The following CACNB4 variants were observed in gnomAD, a reference collection of about 807,000 sequenced individuals.
CACNB4 encodes calcium voltage-gated channel auxiliary subunit beta 4, also known as voltage-dependent L-type calcium channel subunit beta-4.
CACNB4 carries 32 observed loss-of-function variants against 71.2 expected under a neutral mutation model. That is an observed-to-expected ratio of 0.45 (90% CI 0.34 to 0.60). CACNB4 has a LOEUF of 0.60. Ranked by LOEUF, CACNB4 falls within the 20% of genes least tolerant of loss-of-function variation. CACNB4 has a pLI of 0.01. For synonymous variants in CACNB4, 231 were observed against 236.9 expected (o/e 0.97, Z 0.23); for missense variants, 464 against 647.9 (o/e 0.72, Z 3.08).
chr2:151,933,214 C>A (rs2099862061), intron 2 of CACNB4, among the ~76,000 whole-genome samples: 1 of 151,138 alleles, frequency 6.6e-6, no homozygotes, highest in Non-Finnish European at 1.5e-5. Flanking sequence ...TTTGCACCAA[C>A]CTAATAGTAT....
At chr2:152,057,873 G>A (rs1250716246) in intron 2 of CACNB4, among the ~76,000 whole-genome samples, 1 of 152,286 alleles carries the variant, frequency 6.6e-6, no homozygotes, top group Admixed American at 6.5e-5. Context: ...TTACCATGAT[G>A]TTTGATATGG....
At chr2:152,064,020 A>G (rs1427320793) in intron 2 of CACNB4, among the ~76,000 whole-genome samples, 2 of 152,248 alleles carry the variant, frequency 1.3e-5, no homozygotes, top group Admixed American at 1.3e-4. Flanking sequence ...TTCTCAGCAG[A>G]CAATGTAATA....
chr2:151,979,200 G>A (rs2099874301), intron 2 of CACNB4, among the ~76,000 whole-genome samples: 1 of 152,168 alleles, frequency 6.6e-6, no homozygotes, highest in African/African-American at 2.4e-5. Context: ...ACAGCAGAGA[G>A]AAACAAGCGG....
intron 2 of CACNB4, among the ~76,000 whole-genome samples, chr2:152,036,675 G>A (rs1016420731): frequency 6.6e-6 from 1 of 152,178 alleles, no homozygotes; most frequent in African/African-American, 2.4e-5. Context: ...GCAGATTTCA[G>A]TGAGGATGTC....
At chr2:151,994,923 C>A (rs1681954372) in intron 2 of CACNB4, among the ~76,000 whole-genome samples, 1 of 152,134 alleles carries the variant, frequency 6.6e-6, no homozygotes, top group Non-Finnish European at 1.5e-5. Flanking sequence ...TGTGAGCCAC[C>A]ATATCTAGCT....
intron 2 of CACNB4, among the ~76,000 whole-genome samples, chr2:152,037,533 A>G (rs1684659230): frequency 6.6e-6 from 1 of 152,236 alleles, no homozygotes; most frequent in Non-Finnish European, 1.5e-5. Context: ...AAGCCAAAAG[A>G]GAGGCAAGAA....
At chr2:151,883,083 T>C in intron 3 of CACNB4, 168 bp downstream of exon 3, 1 of 632,566 alleles carries the variant, frequency 1.6e-6, no homozygotes, top group South Asian at 1.9e-5. Flanking sequence ...TCTTTGGAGA[T>C]GTTACTAACC....
At chr2:151,857,315 A>T (rs2099840562) in intron 10 of CACNB4, 2 of 152,356 alleles carry the variant, frequency 1.3e-5, no homozygotes, top group Middle Eastern at 3.4e-3. Flanking sequence ...AAGAGTCAAC[A>T]TATCACTTTT....
At chr2:151,868,041 C>T (rs968348312) in intron 9 of CACNB4, 4 of 152,208 alleles carry the variant, frequency 2.6e-5, no homozygotes, top group Non-Finnish European at 5.9e-5. Context: ...TGTTTACTAA[C>T]TTTCTATATT....
chr2:152,084,520 G>T (rs1046013154), intron 2 of CACNB4, among the ~76,000 whole-genome samples: 1 of 152,148 alleles, frequency 6.6e-6, no homozygotes, highest in African/African-American at 2.4e-5. Context: ...AAGGTGTTAA[G>T]GTCCTATGTC....
At chr2:151,990,278 G>C (rs779678158) in intron 2 of CACNB4, among the ~76,000 whole-genome samples, 4 of 152,078 alleles carry the variant, frequency 2.6e-5, no homozygotes, top group African/African-American at 7.2e-5. Flanking sequence ...TGCACTTCTT[G>C]TCCTAGGCTT....
intron 2 of CACNB4, among the ~76,000 whole-genome samples, chr2:152,031,374 C>T (rs1043567915): frequency 1.3e-5 from 2 of 152,180 alleles, no homozygotes; most frequent in African/African-American, 4.8e-5. Context: ...TTATACAATG[C>T]ATGTAGTTCA....
chr2:151,839,435 A>G, intron 13 of CACNB4, 56 bp from the exon 14 acceptor site: 3 of 1,303,542 alleles, frequency 2.3e-6, no homozygotes, highest in Non-Finnish European at 3.2e-6. Flanking sequence ...TCATCTAAAC[A>G]TGTAAATGTA....
intron 2 of CACNB4, among the ~76,000 whole-genome samples, chr2:151,977,897 G>A (rs190951761): frequency 3.9e-5 from 6 of 152,274 alleles, no homozygotes; most frequent in Admixed American, 3.3e-4. Flanking sequence ...ATTCAGCCTT[G>A]GGAATTATTT....
At chr2:151,922,496 C>A (rs917716118) in intron 2 of CACNB4, among the ~76,000 whole-genome samples, 2 of 152,210 alleles carry the variant, frequency 1.3e-5, no homozygotes, top group South Asian at 4.1e-4. Context: ...AACTATGATA[C>A]CCAGTTAATA....
chr2:151,934,990 CAAGTA>C (rs2099862571), intron 2 of CACNB4, among the ~76,000 whole-genome samples: 1 of 152,206 alleles, frequency 6.6e-6, no homozygotes, highest in Admixed American at 6.5e-5. Context: ...TCACACTTTC[CAAGTA>C]AAGGTAGCAG....
intron 2 of CACNB4, among the ~76,000 whole-genome samples, chr2:151,944,092 G>C (rs559426165): frequency 6.7e-6 from 1 of 149,090 alleles, no homozygotes; most frequent in South Asian, 2.1e-4. Context: ...GCAATGGAGT[G>C]ACCACAGCTC....
intron 12 of CACNB4, chr2:151,853,227 C>A: frequency 4.3e-6 from 2 of 462,076 alleles, no homozygotes; most frequent in Non-Finnish European, 7.6e-6. Context: ...GAACAGACCC[C>A]GGACACTAAG....
At chr2:151,990,770 TTGA>T (rs2151762382) in intron 2 of CACNB4, among the ~76,000 whole-genome samples, 1 of 152,308 alleles carries the variant, frequency 6.6e-6, no homozygotes, top group Admixed American at 6.5e-5. Context: ...AAGCAGTCAG[TTGA>T]TTACCTTAGA....
Sources: allele counts gnomAD v4.1 joint callset (sites outside exome capture counted in the v4.1 genomes callset), GRCh38; gene constraint gnomAD v4.1.1; transcripts MANE v1.5; gene names NCBI Gene and HGNC (gene_info 2026-07-23, HGNC 2026-07-21).